Variants in CYRIB observed in about 807,000 individuals in gnomAD.
The protein encoded by CYRIB is CYFIP-related Rac1 interactor B.
Under a neutral mutation model 44.2 loss-of-function variants are expected in CYRIB, and 8 were observed. The observed-to-expected ratio is 0.18, with a 90% CI of 0.11 to 0.33. CYRIB has a LOEUF of 0.33. Ranked by LOEUF, CYRIB falls within the 10% of genes least tolerant of loss-of-function variation. CYRIB has a pLI of 1.00. For synonymous variants in CYRIB, 131 were observed against 127.2 expected, an observed-to-expected ratio of 1.03 and a Z score of -0.20; for missense variants, 185 against 382.8, an observed-to-expected ratio of 0.48 and a Z score of 4.31.
intron 1 of CYRIB, among the ~76,000 whole-genome samples, chr8:129,997,050 G>A (rs911477474): frequency 4.4e-5 from 5 of 114,660 alleles, no homozygotes; most frequent in South Asian, 3.6e-4. Context: ...AGGAAGGAAG[G>A]AAGGAGGGAG....
chr8:129,872,586 A>C (rs1188973419), intron 3 of CYRIB, among the ~76,000 whole-genome samples: 1 of 152,076 alleles, frequency 6.6e-6, no homozygotes, highest in Non-Finnish European at 1.5e-5. Flanking sequence ...ATTCAGCACC[A>C]CAGGTAAGGC....
At chr8:129,975,005 G>A (rs927296354) in intron 1 of CYRIB, among the ~76,000 whole-genome samples, 3 of 151,570 alleles carry the variant, frequency 2.0e-5, no homozygotes, top group Non-Finnish European at 2.9e-5. Context: ...TCAGGCTCCC[G>A]AGTAGCTTGG....
At chr8:129,979,158 T>TA (rs2096093665) in intron 1 of CYRIB, among the ~76,000 whole-genome samples, 1 of 150,848 alleles carries the variant, frequency 6.6e-6, no homozygotes, top group Non-Finnish European at 1.5e-5. Flanking sequence ...ATAAATAAAT[T>TA]AATTAATTAA....
chr8:130,001,968 G>A (rs2096918315), intron 1 of CYRIB, among the ~76,000 whole-genome samples: 1 of 152,160 alleles, frequency 6.6e-6, no homozygotes, highest in Non-Finnish European at 1.5e-5. Flanking sequence ...AGACCTAGGA[G>A]ATGTCTATGG....
intron 1 of CYRIB, among the ~76,000 whole-genome samples, chr8:129,904,990 A>G (rs1366811856): frequency 1.3e-5 from 2 of 152,224 alleles, no homozygotes; most frequent in East Asian, 3.8e-4. Context: ...TACAGGTGAT[A>G]CAGAGCTCAA....
chr8:129,985,440 C>T (rs142524431), intron 1 of CYRIB, among the ~76,000 whole-genome samples: 4 of 152,292 alleles, frequency 2.6e-5, no homozygotes, highest in East Asian at 3.9e-4. Context: ...GACCCACTGC[C>T]TCTCGCTTGC....
rs2096597224 is a variant in CYRIB at position 129,990,332 on chromosome 8, T to C, written c.-295-19337A>G. ...GTCTTAACACACACATGCATATGCA[T>C]GCTTTATATATCTAGATAAAGTATG... On this transcript the variant is annotated intron_variant, in intron 1 of 14. Transcript: ENST00000401979. Among the ~76,000 whole-genome samples the C allele has an allele frequency of 2.6e-5, 4 of 152,322 alleles. No individual in the cohort carries two copies. The South Asian group carries it at 8.3e-4, about 32-fold the overall frequency.
At chr8:129,960,561 C>T (rs1013411646) in intron 2 of CYRIB, among the ~76,000 whole-genome samples, 16 of 150,344 alleles carry the variant, frequency 1.1e-4, no homozygotes, top group Admixed American at 6.7e-5. Context: ...CAAGATCGAT[C>T]GCTTAAACCT....
At chr8:129,959,551 G>A (rs1425214001) in intron 2 of CYRIB, among the ~76,000 whole-genome samples, 2 of 152,190 alleles carry the variant, frequency 1.3e-5, no homozygotes, top group African/African-American at 2.4e-5. Flanking sequence ...GAGGTGAGAG[G>A]ATGGCTTGAA....
intron 4 of CYRIB, among the ~76,000 whole-genome samples, chr8:129,863,829 C>T (rs1391983301): frequency 2.6e-5 from 4 of 152,096 alleles, no homozygotes; most frequent in Non-Finnish European, 5.9e-5. Context: ...TACTCCTTTA[C>T]AGAAGTTAAC....
At chr8:129,995,464 T>C (rs2096744203) in intron 1 of CYRIB, among the ~76,000 whole-genome samples, 1 of 152,244 alleles carries the variant, frequency 6.6e-6, no homozygotes, top group Non-Finnish European at 1.5e-5. Context: ...ATCAGTTACA[T>C]TGTGAATAAC....
intron 2 of CYRIB, chr8:129,949,210 T>C (rs2094363644): frequency 6.6e-6 from 1 of 152,206 alleles, no homozygotes. Flanking sequence ...AATACCATCA[T>C]TAGAAGACAA....
intron 2 of CYRIB, among the ~76,000 whole-genome samples, chr8:129,884,973 A>G (rs755239406): frequency 6.6e-6 from 1 of 152,254 alleles, no homozygotes; most frequent in Non-Finnish European, 1.5e-5. Context: ...AGCTAACAAA[A>G]GGCACTTAAA....
intron 2 of CYRIB, among the ~76,000 whole-genome samples, chr8:129,960,277 T>C (rs1430047224): frequency 1.3e-5 from 2 of 152,156 alleles, no homozygotes; most frequent in Admixed American, 6.6e-5. Context: ...AAGTACTTTT[T>C]AAAATAAATG....
At chr8:129,976,231 A>T (rs927917457) in intron 1 of CYRIB, among the ~76,000 whole-genome samples, 5 of 152,250 alleles carry the variant, frequency 3.3e-5, no homozygotes, top group Admixed American at 1.3e-4. Flanking sequence ...TTATGCCTAT[A>T]ATCCTGTTCA....
At chr8:129,864,214 T>C (rs1587793502) in intron 4 of CYRIB, among the ~76,000 whole-genome samples, 1 of 152,358 alleles carries the variant, frequency 6.6e-6, no homozygotes, top group East Asian at 1.9e-4. Context: ...CAATCCTACT[T>C]ATGTCATTAA....
At chr8:129,910,373 C>G (rs1043845538) in intron 1 of CYRIB, among the ~76,000 whole-genome samples, 1 of 151,988 alleles carries the variant, frequency 6.6e-6, no homozygotes, top group Non-Finnish European at 1.5e-5. Flanking sequence ...GTCTTTATAC[C>G]TAGTGCCAAA....
At chr8:130,005,786 T>G (rs72720353) in intron 1 of CYRIB, among the ~76,000 whole-genome samples, 7,904 of 149,498 alleles carry the variant, frequency 0.053, 285 homozygotes, top group Non-Finnish European at 0.077. Flanking sequence ...AAGATCAACC[T>G]GGGTAACACA....
At position 129,971,861 on chromosome 8, in the gene CYRIB, AAG is replaced by A. The variant is rs150570405; in HGVS notation, c.-295-868_-295-867del. On this transcript the variant is annotated intron_variant, in intron 1 of 14. Transcript: ENST00000401979. The stretch of plus-strand genomic sequence containing the variant: ...TACAGCAACAAAAGCTGATGAATTA[AAG>A]AGAAGTTTCATAAAACCACAGTTAA... 5.1e-3 allele frequency among the ~76,000 whole-genome samples: 773 copies of A among 152,344 alleles called. 3 individuals are homozygous for A. Among genetic ancestry groups the A allele is most frequent in the Middle Eastern group, 0.02 (6 of 294 alleles).
Sources: gnomAD v4.1 joint callset for allele counts (sites outside exome capture counted in the v4.1 genomes callset) on GRCh38, gnomAD v4.1.1 for gene constraint, MANE v1.5 for transcripts, NCBI Gene and HGNC (gene_info 2026-07-23, HGNC 2026-07-21) for gene names.